The following SLC3A1 variants were observed in gnomAD, a reference collection of about 807,000 sequenced individuals.
SLC3A1 encodes solute carrier family 3 member 1.
In SLC3A1, 78 loss-of-function variants were observed where a neutral mutation model predicts 60.3. That is an observed-to-expected ratio of 1.29 (90% CI 1.08 to 1.56). The LOEUF is 1.56. Among genes scored for constraint, SLC3A1 ranks in the 40% most tolerant of loss-of-function variants. The probability of loss-of-function intolerance (pLI) is 0.00; values close to 1 mark genes in which losing one functional copy is unlikely to be tolerated. For missense variants in SLC3A1, 1,172 were observed against 858.9 expected (o/e 1.36, Z -4.56); for synonymous variants, 392 against 307.9 (o/e 1.27, Z -2.86).
intron 8 of SLC3A1, among the ~76,000 whole-genome samples, chr2:44,313,127 G>C (rs1378450126): frequency 6.6e-6 from 1 of 152,076 alleles, no homozygotes; most frequent in African/African-American, 2.4e-5. Flanking sequence ...TTGAAATGTG[G>C]AGTTAGGAAC....
intron 4 of SLC3A1, among the ~76,000 whole-genome samples, chr2:44,299,031 CTTTTTTTTTTTT>C (rs3074475): frequency 8.0e-6 from 1 of 124,372 alleles, no homozygotes; most frequent in Admixed American, 8.3e-5. Flanking sequence ...ATGTAGATTC[CTTTTTTTTTTTT>C]TTTTTTTTTT....
At chr2:44,300,163 T>C in intron 5 of SLC3A1, 73 bp downstream of exon 5, 1 of 1,458,856 alleles carries the variant, frequency 6.9e-7, no homozygotes, top group Non-Finnish European at 9.6e-7. Flanking sequence ...TTTCTCAGCC[T>C]GAGATACCAG....
intron 1 of SLC3A1, among the ~76,000 whole-genome samples, chr2:44,279,751 C>T (rs991397141): frequency 9.2e-5 from 14 of 151,702 alleles, no homozygotes; most frequent in East Asian, 3.9e-4. Context: ...TATTTTAAGA[C>T]GGGGTTTTAT....
In SLC3A1 at chr2:44,275,967, T is replaced by C; in HGVS notation, c.430+2T>C. On this transcript the variant is annotated splice_donor_variant, in intron 1 of 9. Transcript: ENST00000260649. LOFTEE classifies it high-confidence loss of function. The stretch of plus-strand genomic sequence containing the variant: ...AGGATGGGAACGGAGATCTGAAAGG[T>C]ACATGCCCAGAGATCATTTAGGGTG... The C allele has an allele frequency of 4.3e-6, 7 of 1,613,840 alleles. No individual in the cohort carries two copies. Among genetic ancestry groups the C allele is most frequent in the Non-Finnish European group, 5.9e-6 (7 of 1,179,720 alleles).
intron 3 of SLC3A1, among the ~76,000 whole-genome samples, chr2:44,283,427 G>C (rs1417690891): frequency 6.6e-6 from 1 of 152,170 alleles, no homozygotes; most frequent in Non-Finnish European, 1.5e-5. Context: ...TCTGTGCTAA[G>C]TGTTTTATAT....
chr2:44,291,294 G>A (rs1353392825), intron 4 of SLC3A1, among the ~76,000 whole-genome samples: 1 of 152,174 alleles, frequency 6.6e-6, no homozygotes, highest in Non-Finnish European at 1.5e-5. Flanking sequence ...CAGGCTCCTT[G>A]TGGCAATAGT....
chr2:44,282,123 C>T (rs868245435), intron 3 of SLC3A1, among the ~76,000 whole-genome samples: 13 of 152,264 alleles, frequency 8.5e-5, no homozygotes, highest in African/African-American at 2.6e-4. Flanking sequence ...CCACCTGCCT[C>T]GGCCTCCCAA....
At chr2:44,310,803 T>TC (rs1362489595) in intron 7 of SLC3A1, among the ~76,000 whole-genome samples, 2 of 150,026 alleles carry the variant, frequency 1.3e-5, no homozygotes, top group African/African-American at 4.9e-5. Context: ...TCTGAGAGTC[T>TC]GGTTTTTTTT....
At chr2:44,301,791 C>T (rs1383451672) in intron 6 of SLC3A1, among the ~76,000 whole-genome samples, 2 of 149,564 alleles carry the variant, frequency 1.3e-5, no homozygotes, top group African/African-American at 4.9e-5. Context: ...CACCTGGGTG[C>T]GGTAGCTCAT....
rs70965349 is a variant in SLC3A1 at position 44,304,813 on chromosome 2, A to ATTTTT, written c.1332+498_1332+502dup. ...CTTCTGTACTACACTCTTGAAAACA[A>ATTTTT]TTTTTTTTTTTTTTTTTTTTTTTTT... On this transcript the variant is annotated intron_variant, in intron 7 of 9. Coordinates refer to ENST00000260649, the MANE Select transcript of SLC3A1 (RefSeq NM_000341.4). Among the ~76,000 whole-genome samples the ATTTTT allele has an allele frequency of 9.2e-4, 79 of 85,862 alleles. 6 individuals carry two copies. The highest frequency in any genetic ancestry group is 1.3e-3 in the African/African-American group (29 of 21,572). 56.3% of individuals were successfully genotyped at this position (85,862 alleles called of 152,430 possible).
At chr2:44,290,165 A>G (rs538458315) in intron 4 of SLC3A1, among the ~76,000 whole-genome samples, 75 of 148,606 alleles carry the variant, frequency 5.0e-4, no homozygotes, top group Middle Eastern at 3.4e-3. Flanking sequence ...AGTTATTCCA[A>G]TCACGTATGT....
intron 7 of SLC3A1, among the ~76,000 whole-genome samples, chr2:44,305,307 C>T (rs891317688): frequency 1.8e-4 from 27 of 152,054 alleles, no homozygotes; most frequent in African/African-American, 5.3e-4. Flanking sequence ...TAGGCTCCTT[C>T]GTAAGATGTC....
At chr2:44,290,032 C>T (rs1671706869) in intron 4 of SLC3A1, among the ~76,000 whole-genome samples, 1 of 151,638 alleles carries the variant, frequency 6.6e-6, no homozygotes, top group Non-Finnish European at 1.5e-5. Flanking sequence ...ATGTTTTCTT[C>T]TCAGTTTCAC....
chr2:44,308,533 A>AGT (rs1480361623), intron 7 of SLC3A1, among the ~76,000 whole-genome samples: 1 of 152,144 alleles, frequency 6.6e-6, no homozygotes. Context: ...TACAAGTCTT[A>AGT]GACTTTTTGT....
intron 6 of SLC3A1, among the ~76,000 whole-genome samples, chr2:44,303,535 C>T (rs1672070888): frequency 7.2e-6 from 1 of 138,710 alleles, no homozygotes; most frequent in Non-Finnish European, 1.5e-5. Context: ...CTGCACCTGG[C>T]ACCCAAATGT....
intron 3 of SLC3A1, among the ~76,000 whole-genome samples, chr2:44,284,819 G>A (rs1255686012): frequency 6.6e-6 from 1 of 152,100 alleles, no homozygotes; most frequent in African/African-American, 2.4e-5. Flanking sequence ...TCCCGCTTCA[G>A]CTCTCAAAGT....
chr2:44,281,687 T>A (rs1671503926), intron 3 of SLC3A1, 146 bp downstream of exon 3: 1 of 740,664 alleles, frequency 1.4e-6, no homozygotes, highest in Admixed American at 2.4e-5. Context: ...AGAAATAAGG[T>A]TTCCAGTTGT....
At chr2:44,279,553 C>T (rs568752999) in intron 1 of SLC3A1, among the ~76,000 whole-genome samples, 5 of 152,108 alleles carry the variant, frequency 3.3e-5, no homozygotes, top group African/African-American at 1.2e-4. Flanking sequence ...CAGACACTTC[C>T]GAGACCAACA....
intron 7 of SLC3A1, among the ~76,000 whole-genome samples, chr2:44,312,021 CTTAT>C (rs1487512795): frequency 2.0e-5 from 3 of 152,082 alleles, no homozygotes; most frequent in East Asian, 1.9e-4. Context: ...TAAATAAATT[CTTAT>C]TTAAACAAAC....
Sources: allele counts gnomAD v4.1 joint callset (sites outside exome capture counted in the v4.1 genomes callset), GRCh38; gene constraint gnomAD v4.1.1; transcripts MANE v1.5; gene names NCBI Gene and HGNC (gene_info 2026-07-23, HGNC 2026-07-21).